Variants in KCNAB2 observed in about 807,000 individuals in gnomAD.
KCNAB2 encodes voltage-gated potassium channel subunit beta-2.
KCNAB2 carries 29 observed loss-of-function variants against 63.6 expected under a neutral mutation model. The ratio of observed to expected loss-of-function variants is 0.46; its 90% CI spans 0.34 to 0.62. The LOEUF (loss-of-function observed/expected upper bound fraction) is 0.62. Among genes scored for constraint, KCNAB2 ranks in the 20% least tolerant of loss-of-function variants. The pLI is 0.01. For synonymous variants in KCNAB2, 222 were observed against 224.2 expected (o/e 0.99, Z 0.09); for missense variants, 359 against 563.9 (o/e 0.64, Z 3.68).
chr1:6,001,881 G>A (rs1273752494), intron 1 of KCNAB2, among the ~76,000 whole-genome samples: 1 of 152,112 alleles, frequency 6.6e-6, no homozygotes, highest in East Asian at 1.9e-4. Context: ...GGGAAACTGA[G>A]GCCAGATGAC....
chr1:6,060,799 T>G (rs1161026835), intron 2 of KCNAB2, among the ~76,000 whole-genome samples: 1 of 146,592 alleles, frequency 6.8e-6, no homozygotes, highest in African/African-American at 2.5e-5. Context: ...GCTACTCAGG[T>G]GGCTGAGGCA....
chr1:6,058,107 C>T (rs1480181989), intron 2 of KCNAB2, among the ~76,000 whole-genome samples: 1 of 152,178 alleles, frequency 6.6e-6, no homozygotes. Flanking sequence ...GAGATCGAAC[C>T]ACTGGCACTC....
At chr1:6,011,156 C>T (rs988151347) in intron 1 of KCNAB2, among the ~76,000 whole-genome samples, 2 of 152,228 alleles carry the variant, frequency 1.3e-5, no homozygotes, top group Admixed American at 6.5e-5. Flanking sequence ...TGCAGCATTG[C>T]TCTGAGGGAG....
At position 6,072,736 on chromosome 1, in the gene KCNAB2, C is replaced by T. The variant is rs752843728; in HGVS notation, c.219-19C>T. ...GTCCTGCCTGGGTGCTGAGAACTCA[C>T]GTGGCGTTTGTTTTTCAGGAACCTG... On this transcript the variant is annotated intron_variant, in intron 2 of 15. Transcript: ENST00000378083. 8 of 1,613,482 alleles carry T rather than the reference C, an allele frequency of 5.0e-6. No individual in the cohort carries two copies. Among genetic ancestry groups the T allele is most frequent in the East Asian group, 2.2e-5 (1 of 44,886 alleles).
rs770879058 is a variant in KCNAB2, at chr1:6,099,909, G to C, written c.*1335G>C. On this transcript the variant is annotated 3_prime_UTR_variant, in exon 16 of 16. Transcript: ENST00000378083. ...GCAAGGGATGCCAGTAAGTCTGCAG[G>C]TGCGGGGTGCCACCTACAGGCCCAG... The C allele has an allele frequency of 9.1e-5, 141 of 1,550,298 alleles. No homozygotes were observed. The highest frequency in any genetic ancestry group is 1.2e-4 in the Non-Finnish European group (138 of 1,146,932).
At chr1:6,080,250 C>T (rs977463462) in intron 4 of KCNAB2, among the ~76,000 whole-genome samples, 3 of 152,006 alleles carry the variant, frequency 2.0e-5, no homozygotes, top group Admixed American at 2.0e-4. Context: ...AGGAGGAAGA[C>T]GAGGAGGAAG....
rs1041919632 is a variant in KCNAB2, at chr1:6,069,621, T to G, written c.219-3134T>G. On this transcript the variant is annotated intron_variant, in intron 2 of 15. Coordinates refer to ENST00000378083, the MANE Select transcript of KCNAB2 (RefSeq NM_001199862.2). The surrounding 1 kb of genome is among the most constrained non-coding windows in gnomAD (Gnocchi z 5.4). ...GAAGAAATCGGTAGAAAATGATCTC[T>G]GTGTCTGGGAAGTTTCAAGTACAGC... 5.3e-5 allele frequency among the ~76,000 whole-genome samples: 8 copies of G among 152,202 alleles called. No homozygotes were observed. The highest frequency in any genetic ancestry group is 1.2e-4 in the Non-Finnish European group (8 of 68,030).
chr1:6,037,081 C>G (rs1660099748), intron 1 of KCNAB2, among the ~76,000 whole-genome samples: 1 of 152,200 alleles, frequency 6.6e-6, no homozygotes, highest in Non-Finnish European at 1.5e-5. Context: ...GGCCCTCAAC[C>G]TCGCCTCTAG....
chr1:6,088,890 C>T (rs1664936093), intron 7 of KCNAB2, 118 bp from the exon 8 acceptor site: 2 of 955,726 alleles, frequency 2.1e-6, no homozygotes, highest in African/African-American at 3.3e-5. Context: ...GAATCCGACT[C>T]CACACGGCAT....
At position 6,000,589 on chromosome 1, in the gene KCNAB2, C is replaced by A. The variant is rs531163824; in HGVS notation, c.-53+7801C>A. On this transcript the variant is annotated intron_variant, in intron 1 of 16. Coordinates refer to the KCNAB2 transcript ENST00000341524. ...CCGCTCCTGTGAGGAGTGAACCCCA[C>A]CCCCCGCCGCTCTGCTGGTGTGAGT... Among the ~76,000 whole-genome samples the A allele has an allele frequency of 3.3e-5, 5 of 151,998 alleles. No homozygotes were observed. The East Asian group carries it at 9.7e-4, about 29-fold the overall frequency.
In KCNAB2 at chr1:6,069,421, G is replaced by A. The variant is rs891008747; in HGVS notation, c.219-3334G>A. Among the ~76,000 whole-genome samples, 1 of 152,168 alleles carries A rather than the reference G, an allele frequency of 6.6e-6. No individual in the cohort carries two copies. The highest frequency in any genetic ancestry group is 1.5e-5 in the Non-Finnish European group (1 of 68,030). On this transcript the variant is annotated intron_variant, in intron 2 of 15. Transcript: ENST00000378083. This position sits in a 1 kb window ranked among gnomAD's most constrained non-coding sequence, Gnocchi z 5.4. ...AGTTTTTAGGGGTGTGCAGCAGCCG[G>A]GGGCTCCACGATGGGCATCAGTGCT... is the stretch of plus-strand genomic sequence containing the variant.
chr1:6,055,111 G>A (rs549082655), intron 2 of KCNAB2, among the ~76,000 whole-genome samples: 2 of 152,296 alleles, frequency 1.3e-5, no homozygotes, highest in East Asian at 3.9e-4. Context: ...CCCACACCTG[G>A]ACTTCAGACT....
At chr1:6,065,415 T>C (rs1662662502) in intron 2 of KCNAB2, among the ~76,000 whole-genome samples, 1 of 152,190 alleles carries the variant, frequency 6.6e-6, no homozygotes, top group Admixed American at 6.5e-5. Flanking sequence ...ATTGACATGG[T>C]GGGAGCCTCA....
At chr1:5,993,725 T>C (rs536277472) in intron 1 of KCNAB2, among the ~76,000 whole-genome samples, 70 of 152,134 alleles carry the variant, frequency 4.6e-4, no homozygotes, top group Non-Finnish European at 7.9e-4. Flanking sequence ...CCTTAGCACC[T>C]TTCCTCCCTG....
chr1:6,011,348 G>A (rs1658134925), intron 1 of KCNAB2, among the ~76,000 whole-genome samples: 1 of 150,424 alleles, frequency 6.6e-6, no homozygotes, highest in African/African-American at 2.5e-5. Flanking sequence ...GCAGGCGGCT[G>A]TGCCCAGGGC....
At chr1:6,094,920 C>T (rs901860727) in intron 11 of KCNAB2, among the ~76,000 whole-genome samples, 1 of 152,232 alleles carries the variant, frequency 6.6e-6, no homozygotes, top group Non-Finnish European at 1.5e-5. Flanking sequence ...AAGGGTTCCA[C>T]AGGGACCCTC....
chr1:6,077,863 C>T lies in KCNAB2; in HGVS notation c.300+4093C>T, dbSNP rs1007041304. ...AAAGAGGCAGGCAAGACACCGTCTC[C>T]AGTGGTCGAACAGCATGCTGTGGAG... On this transcript the variant is annotated intron_variant, in intron 4 of 15. Transcript: ENST00000378083. 7.9e-5 allele frequency among the ~76,000 whole-genome samples: 12 copies of T among 152,242 alleles called. No individual in the cohort carries two copies. In the South Asian group the frequency reaches 8.3e-4, roughly 10 times the overall value.
rs1665624787 is a variant in KCNAB2, at chr1:6,096,220, C to T, written c.949-416C>T. ...CCATGGCAAGGTCAGGGCCCCCCTCCAGGAGGCCCTGCAATCCTCTGGGGG... is the reference window on the plus strand; with the variant it reads ...CCATGGCAAGGTCAGGGCCCCCCTCTAGGAGGCCCTGCAATCCTCTGGGGG... On this transcript the variant is annotated intron_variant, in intron 13 of 15. Coordinates refer to ENST00000378083, the MANE Select transcript of KCNAB2 (RefSeq NM_001199862.2). This position sits in a 1 kb window ranked among gnomAD's most constrained non-coding sequence, Gnocchi z 5.9. The T allele has an allele frequency of 6.6e-6, 3 of 452,874 alleles. No individual in the cohort carries two copies. The highest frequency in any genetic ancestry group is 1.3e-5 in the Non-Finnish European group (3 of 226,620). 28.1% of individuals were successfully genotyped at this position (452,874 alleles called of 1,614,324 possible).
At chr1:6,029,232 G>A (rs546910245) in intron 1 of KCNAB2, among the ~76,000 whole-genome samples, 8 of 148,920 alleles carry the variant, frequency 5.4e-5, no homozygotes, top group South Asian at 2.1e-4. Flanking sequence ...GCAGTGAGCC[G>A]AGATCGCGCC....
Sources: gnomAD v4.1 joint callset for allele counts (sites outside exome capture counted in the v4.1 genomes callset) on GRCh38, gnomAD v4.1.1 for gene constraint, Gnocchi (gnomAD v3.1) non-coding constraint, MANE v1.5 for transcripts, NCBI Gene and HGNC (gene_info 2026-07-23, HGNC 2026-07-21) for gene names.